NMNAT2: variants seen among roughly 807,000 people sequenced by gnomAD.
NMNAT2 encodes nicotinamide nucleotide adenylyltransferase 2.
NMNAT2 carries 11 observed loss-of-function variants against 41.6 expected under a neutral mutation model. The observed-to-expected ratio is 0.26, with a 90% CI of 0.17 to 0.44. The LOEUF (loss-of-function observed/expected upper bound fraction) is 0.44, where lower values mean the gene tolerates loss of function less well. NMNAT2 is among the 20% of genes least tolerant of loss of function. NMNAT2 has a pLI of 1.00. For missense variants in NMNAT2, 288 were observed against 407.7 expected (o/e 0.71, Z 2.53); for synonymous variants, 148 against 151.2 (o/e 0.98, Z 0.16).
intron 1 of NMNAT2, among the ~76,000 whole-genome samples, chr1:183,410,646 C>T (rs1649090362): frequency 6.6e-6 from 1 of 152,134 alleles, no homozygotes; most frequent in Non-Finnish European, 1.5e-5. Flanking sequence ...CACCTGCACT[C>T]TAGCAAGTTC....
intron 1 of NMNAT2, among the ~76,000 whole-genome samples, chr1:183,375,539 C>T (rs1293368480): frequency 6.6e-6 from 1 of 152,212 alleles, no homozygotes; most frequent in Non-Finnish European, 1.5e-5. Flanking sequence ...CAACTCAAGT[C>T]TCAACTCACT....
At position 183,250,928 on chromosome 1, in the gene NMNAT2, G is replaced by C. The variant is rs200073270; in HGVS notation, c.*1713C>G. ...CACCTGGCCCTTTCTGGCCGTAGCT[G>C]GTACTAGATTTTGATAAAAGTATCC... On this transcript the variant is annotated 3_prime_UTR_variant, in exon 11 of 11. Coordinates refer to ENST00000287713, the MANE Select transcript of NMNAT2 (RefSeq NM_015039.4). 6.6e-6 allele frequency: 1 copy of C among 152,452 alleles called. No individual in the cohort carries two copies. The highest frequency in any genetic ancestry group is 1.5e-5 in the Non-Finnish European group (1 of 68,046). 9.4% of individuals were successfully genotyped at this position (152,452 alleles called of 1,614,324 possible).
intron 4 of NMNAT2, among the ~76,000 whole-genome samples, chr1:183,288,323 G>T (rs377433636): frequency 6.6e-6 from 1 of 152,136 alleles, no homozygotes; most frequent in Non-Finnish European, 1.5e-5. Flanking sequence ...CTATCTCTGC[G>T]GCAGGTCTAC....
intron 8 of NMNAT2, 119 bp downstream of exon 8, chr1:183,278,434 G>A (rs540731990): frequency 1.7e-5 from 11 of 666,314 alleles, no homozygotes; most frequent in Non-Finnish European, 3.0e-5. Context: ...CCATAGTGAT[G>A]TGAACGGACT....
intron 7 of NMNAT2, among the ~76,000 whole-genome samples, chr1:183,280,845 C>T (rs1239988683): frequency 1.7e-5 from 2 of 117,268 alleles, no homozygotes; most frequent in African/African-American, 3.4e-5. Flanking sequence ...AGTGCAATGG[C>T]GTGATCTCCG....
intron 1 of NMNAT2, among the ~76,000 whole-genome samples, chr1:183,298,295 A>G (rs1661755890): frequency 6.6e-6 from 1 of 152,226 alleles, no homozygotes; most frequent in African/African-American, 2.4e-5. Flanking sequence ...CTACCTAGAA[A>G]TCCCAATAAA....
intron 1 of NMNAT2, among the ~76,000 whole-genome samples, chr1:183,356,972 G>A (rs1220663854): frequency 6.6e-6 from 1 of 152,124 alleles, no homozygotes; most frequent in Non-Finnish European, 1.5e-5. Context: ...TTTAAGTTTG[G>A]TCTGGCTCTG....
In NMNAT2 at chr1:183,339,086, TCA is replaced by T. The variant is rs1371784678; in HGVS notation, c.86-45295_86-45294del. Reference sequence around the variant, plus strand: ...GGCACAACAGCTCCAGTTCCTGAGATCACAGTTTTGTTTTATTTTTATTTTTT... The same window carrying T: ...GGCACAACAGCTCCAGTTCCTGAGATCAGTTTTGTTTTATTTTTATTTTTT... On this transcript the variant is annotated intron_variant, in intron 1 of 10. Transcript: ENST00000287713. Among the ~76,000 whole-genome samples, 14 of 152,108 alleles carry T rather than the reference TCA, an allele frequency of 9.2e-5. No homozygotes were observed. The East Asian group carries it at 2.4e-3, about 26-fold the overall frequency.
At chr1:183,403,330 G>A (rs541634926) in intron 1 of NMNAT2, among the ~76,000 whole-genome samples, 52 of 152,166 alleles carry the variant, frequency 3.4e-4, no homozygotes, top group African/African-American at 1.2e-3. Context: ...AACAAAAAAT[G>A]TTTAATCGCA....
At chr1:183,311,722 TACACACACACACACAC>T (rs61005402) in intron 1 of NMNAT2, among the ~76,000 whole-genome samples, 2,812 of 144,256 alleles carry the variant, frequency 0.019, 39 homozygotes, top group Middle Eastern at 0.036. Context: ...GTCCAGTCCC[TACACACACACACACAC>T]ACACACACAC....
At chr1:183,349,322 C>G (rs1662995452) in intron 1 of NMNAT2, among the ~76,000 whole-genome samples, 1 of 152,238 alleles carries the variant, frequency 6.6e-6, no homozygotes, top group South Asian at 2.1e-4. Context: ...GAGCTGTCCA[C>G]ATTCACAGCC....
chr1:183,414,110 T>G (rs573405156), intron 1 of NMNAT2, among the ~76,000 whole-genome samples: 7 of 152,294 alleles, frequency 4.6e-5, no homozygotes, highest in Non-Finnish European at 7.4e-5. Context: ...TTTGGTAATT[T>G]TTGGAGACAA....
chr1:183,260,167 G>A (rs1327115496), intron 10 of NMNAT2, among the ~76,000 whole-genome samples: 2 of 152,154 alleles, frequency 1.3e-5, no homozygotes, highest in African/African-American at 4.8e-5. Flanking sequence ...GTGATGCAAA[G>A]GGAAGTGGTA....
At position 183,389,828 on chromosome 1, in the gene NMNAT2, GAAAGAAAGAAAGAAAGGAAA is replaced by G. The variant is rs1648409572; in HGVS notation, c.85+28335_85+28354del. Among the ~76,000 whole-genome samples the G allele has an allele frequency of 3.8e-5, 2 of 53,008 alleles. 1 individual carries two copies. The highest frequency in any genetic ancestry group is 1.2e-4 in the African/African-American group (2 of 16,176). The allele number at this position is 53,008 out of a possible 152,430, so 34.8% of individuals were successfully genotyped here. A position where few individuals can be genotyped will look rare whatever the true frequency, so the allele number is the denominator to read the frequency against. On this transcript the variant is annotated intron_variant, in intron 1 of 10. Coordinates refer to ENST00000287713, the MANE Select transcript of NMNAT2 (RefSeq NM_015039.4). ...AGAAAGAAAGAAAGAAAGAAAGAAA[GAAAGAAAGAAAGAAAGGAAA>G]AAAGAGAAAGAAAGAAAGAAAGAAG... is the stretch of plus-strand genomic sequence containing the variant.
At chr1:183,403,918 G>A (rs542076301) in intron 1 of NMNAT2, among the ~76,000 whole-genome samples, 1 of 152,080 alleles carries the variant, frequency 6.6e-6, no homozygotes, top group African/African-American at 2.4e-5. Flanking sequence ...TATTACAGGG[G>A]ACAACCTTGT....
At chr1:183,363,950 G>T (rs558137574) in intron 1 of NMNAT2, among the ~76,000 whole-genome samples, 1 of 152,120 alleles carries the variant, frequency 6.6e-6, no homozygotes, top group East Asian at 1.9e-4. Flanking sequence ...TTAGTCTCCC[G>T]CTTCCAAGCC....
At chr1:183,390,177 G>C (rs1262286672) in intron 1 of NMNAT2, among the ~76,000 whole-genome samples, 6 of 152,126 alleles carry the variant, frequency 3.9e-5, no homozygotes, top group Non-Finnish European at 8.8e-5. Context: ...TTACTGAATA[G>C]GGTGAGCCGC....
chr1:183,267,117 A>G (rs1660836970), intron 8 of NMNAT2: 1 of 163,908 alleles, frequency 6.1e-6, no homozygotes, highest in Non-Finnish European at 1.3e-5. Flanking sequence ...AGGCTTGCCA[A>G]TCTGTCCTGT....
intron 1 of NMNAT2, among the ~76,000 whole-genome samples, chr1:183,359,806 T>C (rs1488208236): frequency 6.6e-6 from 1 of 152,180 alleles, no homozygotes; most frequent in Non-Finnish European, 1.5e-5. Flanking sequence ...CAGGAAGCCC[T>C]GGGAGGCATT....
Sources: allele counts gnomAD v4.1 joint callset (sites outside exome capture counted in the v4.1 genomes callset), GRCh38; gene constraint gnomAD v4.1.1; transcripts MANE v1.5; gene names NCBI Gene and HGNC (gene_info 2026-07-23, HGNC 2026-07-21).